Variants in GRM7 observed in about 807,000 individuals in gnomAD.
The protein encoded by GRM7 is glutamate metabotropic receptor 7.
A neutral mutation model predicts 84.5 loss-of-function variants in GRM7; 35 were observed. The ratio of observed to expected loss-of-function variants is 0.41; its 90% CI spans 0.32 to 0.55. The LOEUF (loss-of-function observed/expected upper bound fraction) is 0.55. Ranked by LOEUF, GRM7 falls within the 20% of genes least tolerant of loss-of-function variation. The pLI, the probability that GRM7 is intolerant of heterozygous loss-of-function variation, is 0.19. For synonymous variants in GRM7, 487 were observed against 455.1 expected (o/e 1.07, Z -0.89); for missense variants, 1,003 against 1,194.6 (o/e 0.84, Z 2.36).
At chr3:7,447,627 C>T (rs910130348) in intron 5 of GRM7, among the ~76,000 whole-genome samples, 5 of 151,934 alleles carry the variant, frequency 3.3e-5, no homozygotes, top group Admixed American at 6.6e-5. Context: ...GGAGTAGTTG[C>T]GGGGTGCGTG....
chr3:7,098,140 A>G (rs80301557), intron 1 of GRM7, among the ~76,000 whole-genome samples: 6,311 of 152,148 alleles, frequency 0.041, 136 homozygotes, highest in Middle Eastern at 0.11. Flanking sequence ...TTCCCTAGTA[A>G]CAGCTGTTTC....
chr3:7,475,597 CTG>C (rs927059700), intron 7 of GRM7, among the ~76,000 whole-genome samples: 1 of 152,166 alleles, frequency 6.6e-6, no homozygotes, highest in African/African-American at 2.4e-5. Flanking sequence ...TTTCTCGTCA[CTG>C]TTATTGTTAC....
At chr3:6,982,099 G>A (rs910751787) in intron 1 of GRM7, among the ~76,000 whole-genome samples, 40 of 152,238 alleles carry the variant, frequency 2.6e-4, no homozygotes, top group African/African-American at 8.9e-4. Context: ...TATATACCAG[G>A]GAATACTACA....
chr3:7,341,709 T>G (rs1462195797), intron 4 of GRM7, among the ~76,000 whole-genome samples: 1 of 152,182 alleles, frequency 6.6e-6, no homozygotes, highest in Non-Finnish European at 1.5e-5. Flanking sequence ...GTCCCAGTAA[T>G]GAACTATTAT....
At chr3:7,201,648 T>C (rs910229734) in intron 2 of GRM7, among the ~76,000 whole-genome samples, 10 of 152,212 alleles carry the variant, frequency 6.6e-5, no homozygotes, top group African/African-American at 2.4e-4. Context: ...ATACACTAAG[T>C]AATCCCTTCA....
chr3:7,104,386 T>A (rs952061254), intron 1 of GRM7, among the ~76,000 whole-genome samples: 1 of 151,752 alleles, frequency 6.6e-6, no homozygotes, highest in Non-Finnish European at 1.5e-5. Flanking sequence ...AATTTTTGAT[T>A]TTTAAGCCAC....
chr3:7,176,860 G>T (rs79623281), intron 2 of GRM7, among the ~76,000 whole-genome samples: 6,687 of 152,220 alleles, frequency 0.044, 495 homozygotes, highest in African/African-American at 0.15. Context: ...GTGACTTCAG[G>T]AATCAGCTTT....
chr3:7,171,297 T>G (rs1157075098), intron 2 of GRM7, among the ~76,000 whole-genome samples: 1 of 152,158 alleles, frequency 6.6e-6, no homozygotes, highest in Non-Finnish European at 1.5e-5. Context: ...AATGTCCCCC[T>G]TTTTATAAGG....
chr3:7,644,120 T>TTG (rs148514728), intron 8 of GRM7, among the ~76,000 whole-genome samples: 4 of 119,916 alleles, frequency 3.3e-5, no homozygotes, highest in Admixed American at 2.5e-4. Flanking sequence ...ACTGTGCATG[T>TTG]TGTGTGTGTG....
chr3:7,211,654 A>AAAAAC (rs1220893988), intron 2 of GRM7, among the ~76,000 whole-genome samples: 5 of 145,218 alleles, frequency 3.4e-5, no homozygotes, highest in Non-Finnish European at 7.4e-5. Flanking sequence ...CTCCCAACCA[A>AAAAAC]AAAAAAAAAA....
Position 7,252,784 on chromosome 3 carries a change from G to C in GRM7, c.737-45900G>C, listed in dbSNP as rs1346852002. On this transcript the variant is annotated intron_variant, in intron 2 of 9. Transcript: ENST00000357716. ...GCTCACTGCAACCTCTGCCTCCCGG[G>C]TTCAACTGATTTTCCTGCCTCAGCC... Among the ~76,000 whole-genome samples the C allele has an allele frequency of 2.7e-5, 4 of 150,546 alleles. No homozygotes were observed. In the Admixed American group the frequency reaches 2.7e-4, roughly 10 times the overall value.
chr3:7,023,403 G>A (rs968624650), intron 1 of GRM7, among the ~76,000 whole-genome samples: 3 of 152,030 alleles, frequency 2.0e-5, no homozygotes, highest in Non-Finnish European at 4.4e-5. Flanking sequence ...TGGTTCTGAG[G>A]CTTACTTCTT....
At chr3:7,008,050 A>G (rs893568348) in intron 1 of GRM7, among the ~76,000 whole-genome samples, 1 of 152,114 alleles carries the variant, frequency 6.6e-6, no homozygotes, top group African/African-American at 2.4e-5. Flanking sequence ...ACAAGCAAGT[A>G]AAAGATGGTA....
chr3:7,680,810 G>GGCCA (rs1700337395), intron 9 of GRM7: 1 of 160,788 alleles, frequency 6.2e-6, no homozygotes, highest in Non-Finnish European at 1.4e-5. Flanking sequence ...AGGTACACAG[G>GGCCA]GCCAGACACT....
chr3:7,533,256 C>A (rs1404592186), intron 7 of GRM7, among the ~76,000 whole-genome samples: 2 of 152,120 alleles, frequency 1.3e-5, no homozygotes, highest in African/African-American at 4.8e-5. Context: ...GTGAAACATT[C>A]CTCAGCAAAT....
intron 2 of GRM7, among the ~76,000 whole-genome samples, chr3:7,219,890 G>T (rs1696742934): frequency 6.6e-6 from 1 of 152,138 alleles, no homozygotes; most frequent in South Asian, 2.1e-4. Context: ...GTGCTAGAAA[G>T]TTAAAAAGTG....
At chr3:6,953,071 G>A (rs530988080) in intron 1 of GRM7, among the ~76,000 whole-genome samples, 25 of 152,280 alleles carry the variant, frequency 1.6e-4, no homozygotes, top group African/African-American at 5.8e-4. Flanking sequence ...GTGACTGAAC[G>A]TGAAGAAAAG....
chr3:7,258,165 T>C (rs1698278325), intron 2 of GRM7, among the ~76,000 whole-genome samples: 1 of 152,160 alleles, frequency 6.6e-6, no homozygotes, highest in South Asian at 2.1e-4. Context: ...TCTTGCAGCT[T>C]TTTTCTTTAA....
intron 1 of GRM7, among the ~76,000 whole-genome samples, chr3:6,963,824 C>T (rs1693395700): frequency 6.6e-6 from 1 of 152,176 alleles, no homozygotes; most frequent in Admixed American, 6.5e-5. Context: ...AGGATACTCT[C>T]AGTATGAGTG....
Sources: gnomAD v4.1 joint callset for allele counts (sites outside exome capture counted in the v4.1 genomes callset) on GRCh38, gnomAD v4.1.1 for gene constraint, MANE v1.5 for transcripts, NCBI Gene and HGNC (gene_info 2026-07-23, HGNC 2026-07-21) for gene names.